Variants in KIF26B observed in about 807,000 individuals in gnomAD.
KIF26B encodes the protein kinesin-like protein KIF26B.
KIF26B carries 63 observed loss-of-function variants against 151.2 expected under a neutral mutation model. That is an observed-to-expected ratio of 0.42 (90% CI 0.34 to 0.51). The LOEUF is 0.51. Ranked by LOEUF, KIF26B falls within the 20% of genes least tolerant of loss-of-function variation. The probability of loss-of-function intolerance (pLI) is 0.07; values close to 1 mark genes in which losing one functional copy is unlikely to be tolerated. For missense variants in KIF26B, 2,813 were observed against 2,913.6 expected, an observed-to-expected ratio of 0.97 and a Z score of 0.79; for synonymous variants, 1,357 against 1,262.1, an observed-to-expected ratio of 1.08 and a Z score of -1.59.
At chr1:245,575,372 G>A (rs1257182790) in intron 5 of KIF26B, among the ~76,000 whole-genome samples, 1 of 151,888 alleles carries the variant, frequency 6.6e-6, no homozygotes, top group East Asian at 2.0e-4. Context: ...CTACTCGGGA[G>A]GCTGAGGCAG....
In KIF26B at chr1:245,495,890, T is replaced by G. The variant is rs1660504070; in HGVS notation, c.1167-44877T>G. Among the ~76,000 whole-genome samples the G allele has an allele frequency of 6.6e-6, 1 of 152,122 alleles. No homozygotes were observed. Among genetic ancestry groups the G allele is most frequent in the African/African-American group, 2.4e-5 (1 of 41,424 alleles). ...GTAACTCATTTCTCAACAGAAACAA[T>G]GGATGCCAAGAGACAATGGAACGTC... On this transcript the variant is annotated intron_variant, in intron 4 of 14. Transcript: ENST00000407071. This position sits in a 1 kb window ranked among gnomAD's most constrained non-coding sequence, Gnocchi z 4.2.
chr1:245,376,180 G>A lies in KIF26B; in HGVS notation c.999+8813G>A, dbSNP rs964818343. On this transcript the variant is annotated intron_variant, in intron 3 of 14. Transcript: ENST00000407071. The stretch of plus-strand genomic sequence containing the variant: ...TAGAGGCCTTTTGATCTGATAGAAG[G>A]AGATCTCACAGAACTGCCCCAGCAA... Among the ~76,000 whole-genome samples the A allele has an allele frequency of 3.3e-5, 5 of 152,250 alleles. No individual in the cohort carries two copies. In the South Asian group the frequency reaches 6.2e-4, roughly 19 times the overall value.
intron 2 of KIF26B, among the ~76,000 whole-genome samples, chr1:245,290,913 G>C (rs1671242830): frequency 1.3e-5 from 2 of 152,248 alleles, no homozygotes; most frequent in African/African-American, 4.8e-5. Context: ...GGCTGGCCCA[G>C]CTGGTCAGTG....
intron 5 of KIF26B, among the ~76,000 whole-genome samples, chr1:245,543,717 A>T (rs1049683483): frequency 6.6e-6 from 1 of 152,182 alleles, no homozygotes; most frequent in African/African-American, 2.4e-5. Flanking sequence ...TGGGAGGCCG[A>T]GGCGGGCGGA....
intron 4 of KIF26B, among the ~76,000 whole-genome samples, chr1:245,520,603 CCCACCCACCCAT>C (rs1355794972): frequency 4.5e-5 from 4 of 88,340 alleles, no homozygotes; most frequent in African/African-American, 8.8e-5. Flanking sequence ...CATCCATCCA[CCCACCCACCCAT>C]CCATCCATCC....
At chr1:245,321,463 C>G (rs1671884818) in intron 2 of KIF26B, among the ~76,000 whole-genome samples, 1 of 152,240 alleles carries the variant, frequency 6.6e-6, no homozygotes, top group African/African-American at 2.4e-5. Flanking sequence ...TAGCAATGTC[C>G]TTGCTGAATA....
In KIF26B at chr1:245,606,868, G is replaced by T. The variant is rs893650170; in HGVS notation, c.1558-783G>T. ...ACCTGAGGTCAGGAGTTTGAGACCAGCCTGACCAACGTGGTGAAACCCCCT... is the reference window on the plus strand; with the variant it reads ...ACCTGAGGTCAGGAGTTTGAGACCATCCTGACCAACGTGGTGAAACCCCCT... On this transcript the variant is annotated intron_variant, in intron 6 of 14. Coordinates refer to ENST00000407071, the MANE Select transcript of KIF26B (RefSeq NM_018012.4). This position sits in a 1 kb window ranked among gnomAD's most constrained non-coding sequence, Gnocchi z 4.6. Among the ~76,000 whole-genome samples the T allele has an allele frequency of 1.3e-5, 2 of 152,150 alleles. No individual in the cohort carries two copies. The highest frequency in any genetic ancestry group is 6.5e-5 in the Admixed American group (1 of 15,284).
intron 2 of KIF26B, among the ~76,000 whole-genome samples, chr1:245,181,761 G>C (rs1478612693): frequency 6.6e-6 from 1 of 152,010 alleles, no homozygotes; most frequent in Admixed American, 6.6e-5. Context: ...CAGACTGTTG[G>C]GTCTATTTTT....
At chr1:245,326,518 C>T (rs773088304) in intron 2 of KIF26B, among the ~76,000 whole-genome samples, 8 of 152,146 alleles carry the variant, frequency 5.3e-5, no homozygotes, top group Non-Finnish European at 1.0e-4. Flanking sequence ...GCAAAGGTTC[C>T]GGACCACTGT....
intron 2 of KIF26B, among the ~76,000 whole-genome samples, chr1:245,245,633 TACA>T (rs1670312765): frequency 6.6e-6 from 1 of 151,754 alleles, no homozygotes. Context: ...TCTACAAAAA[TACA>T]ACAACAAAAA....
At chr1:245,338,270 CTG>C (rs1672273908) in intron 2 of KIF26B, among the ~76,000 whole-genome samples, 1 of 152,210 alleles carries the variant, frequency 6.6e-6, no homozygotes, top group South Asian at 2.1e-4. Flanking sequence ...AGGCAGAAAA[CTG>C]TGGTCAGCAG....
At position 245,170,053 on chromosome 1, in the gene KIF26B, A is replaced by G. The variant is rs981853906; in HGVS notation, c.465+13370A>G. Among the ~76,000 whole-genome samples the G allele has an allele frequency of 6.6e-6, 1 of 152,022 alleles. No individual in the cohort carries two copies. Among genetic ancestry groups the G allele is most frequent in the African/African-American group, 2.4e-5 (1 of 41,372 alleles). ...GATTTCTGGTGTTTTGAAAAAAAAA[A>G]TCACCCGTCCACTGCTGCATAACCA... On this transcript the variant is annotated intron_variant, in intron 2 of 14. Coordinates refer to ENST00000407071, the MANE Select transcript of KIF26B (RefSeq NM_018012.4). This position sits in a 1 kb window ranked among gnomAD's most constrained non-coding sequence, Gnocchi z 4.4.
At position 245,227,988 on chromosome 1, in the gene KIF26B, G is replaced by A. The variant is rs1236125999; in HGVS notation, c.465+71305G>A. 6.6e-6 allele frequency among the ~76,000 whole-genome samples: 1 copy of A among 152,152 alleles called. No homozygotes were observed. The highest frequency in any genetic ancestry group is 2.4e-5 in the African/African-American group (1 of 41,436). ...CTGCACTCCAGCCTGGGCAACAAGAGCGAAACTCTGTCTCAAAACAAAACA... is the reference window on the plus strand; with the variant it reads ...CTGCACTCCAGCCTGGGCAACAAGAACGAAACTCTGTCTCAAAACAAAACA... On this transcript the variant is annotated intron_variant, in intron 2 of 14. Coordinates refer to ENST00000407071, the MANE Select transcript of KIF26B (RefSeq NM_018012.4). This position sits in a 1 kb window ranked among gnomAD's most constrained non-coding sequence, Gnocchi z 4.1.
rs71636566 is a variant in KIF26B, at chr1:245,495,833, T to A, written c.1167-44934T>A. Among the ~76,000 whole-genome samples the A allele has an allele frequency of 0.033, 5,047 of 151,966 alleles. 133 individuals carry two copies. Among genetic ancestry groups the A allele is most frequent in the Non-Finnish European group, 0.05 (3,383 of 67,964 alleles). ...AATGATTAAAGCCGTGAGAAAAAAA[T>A]TCATTATTTTTAAAGGAGCAACACT... On this transcript the variant is annotated intron_variant, in intron 4 of 14. Coordinates refer to ENST00000407071, the MANE Select transcript of KIF26B (RefSeq NM_018012.4). This position sits in a 1 kb window ranked among gnomAD's most constrained non-coding sequence, Gnocchi z 4.2.
At chr1:245,579,852 G>T (rs76889855) in intron 5 of KIF26B, among the ~76,000 whole-genome samples, 1 of 106,854 alleles carries the variant, frequency 9.4e-6, no homozygotes, top group African/African-American at 3.3e-5. Flanking sequence ...TCATCTCAAA[G>T]AAAAAAAAAA....
chr1:245,416,711 A>G (rs1240369005), intron 3 of KIF26B, among the ~76,000 whole-genome samples: 7 of 152,176 alleles, frequency 4.6e-5, no homozygotes, highest in Non-Finnish European at 1.0e-4. Flanking sequence ...ATGGAGAGCA[A>G]AGGCCCCACG....
rs1037863841 is a variant in KIF26B at position 245,170,937 on chromosome 1, C to T, written c.465+14254C>T. Reference sequence around the variant, plus strand: ...CCTTTATCTGGTAATTGATTCTGCACTGTCTCCATTATTTGGTGAGATGGT... The same window carrying T: ...CCTTTATCTGGTAATTGATTCTGCATTGTCTCCATTATTTGGTGAGATGGT... On this transcript the variant is annotated intron_variant, in intron 2 of 14. Transcript: ENST00000407071. The surrounding 1 kb of genome is among the most constrained non-coding windows in gnomAD (Gnocchi z 4.4). Among the ~76,000 whole-genome samples, 1 of 152,218 alleles carries T rather than the reference C, an allele frequency of 6.6e-6. No homozygotes were observed. Among genetic ancestry groups the T allele is most frequent in the Non-Finnish European group, 1.5e-5 (1 of 68,042 alleles).
At position 245,376,460 on chromosome 1, in the gene KIF26B, C is replaced by T. The variant is rs114921210; in HGVS notation, c.999+9093C>T. ...CCTAATGCCTAAGCCACACCCCAGG[C>T]GAATTAAATGAGAATATCTGCAGGT... On this transcript the variant is annotated intron_variant, in intron 3 of 14. Transcript: ENST00000407071. Among the ~76,000 whole-genome samples the T allele has an allele frequency of 3.0e-3, 457 of 151,992 alleles. 2 individuals are homozygous for T. The highest frequency in any genetic ancestry group is 0.011 in the African/African-American group (438 of 41,444).
intron 2 of KIF26B, among the ~76,000 whole-genome samples, chr1:245,223,134 C>T (rs1013737407): frequency 1.3e-5 from 2 of 152,120 alleles, no homozygotes; most frequent in Non-Finnish European, 2.9e-5. Flanking sequence ...AGGCCAGGGA[C>T]GCTGGTCACA....
Sources: gnomAD v4.1 joint callset for allele counts (sites outside exome capture counted in the v4.1 genomes callset) on GRCh38, gnomAD v4.1.1 for gene constraint, Gnocchi (gnomAD v3.1) non-coding constraint, MANE v1.5 for transcripts, NCBI Gene and HGNC (gene_info 2026-07-23, HGNC 2026-07-21) for gene names.